The following EPHA5 variants were observed in gnomAD, a reference collection of about 807,000 sequenced individuals.
EPHA5 encodes ephrin type-A receptor 5.
EPHA5 carries 60 observed loss-of-function variants against 105.0 expected under a neutral mutation model. The observed-to-expected ratio is 0.57, with a 90% CI of 0.46 to 0.71. EPHA5 has a LOEUF of 0.71. Ranked by LOEUF, EPHA5 falls within the 30% of genes least tolerant of loss-of-function variation. The probability of loss-of-function intolerance (pLI) is 0.00; values close to 1 mark genes in which losing one functional copy is unlikely to be tolerated. For missense variants in EPHA5, 1,218 were observed against 1,274.7 expected (o/e 0.96, Z 0.68); for synonymous variants, 513 against 449.1 (o/e 1.14, Z -1.80).
chr4:65,390,220 A>G (rs2148953599), intron 8 of EPHA5, among the ~76,000 whole-genome samples: 1 of 152,060 alleles, frequency 6.6e-6, no homozygotes, highest in African/African-American at 2.4e-5. Flanking sequence ...ACCAATCTGG[A>G]GCAATACCTT....
chr4:65,470,753 G>A (rs951976119), intron 5 of EPHA5, among the ~76,000 whole-genome samples: 1 of 152,064 alleles, frequency 6.6e-6, no homozygotes, highest in African/African-American at 2.4e-5. Flanking sequence ...TTACATATGC[G>A]ACTTCACAGT....
chr4:65,593,989 A>C (rs2149421756), intron 3 of EPHA5, among the ~76,000 whole-genome samples: 1 of 152,314 alleles, frequency 6.6e-6, no homozygotes, highest in African/African-American at 2.4e-5. Context: ...CTGAGTTTTC[A>C]CGATCGAATT....
intron 2 of EPHA5, among the ~76,000 whole-genome samples, chr4:65,634,531 C>T (rs1044061318): frequency 1.1e-4 from 16 of 152,124 alleles, no homozygotes; most frequent in Admixed American, 2.0e-4. Context: ...TGCTTAATGT[C>T]TAGCTTGAAT....
chr4:65,546,433 A>G (rs548218061), intron 3 of EPHA5, among the ~76,000 whole-genome samples: 1 of 152,148 alleles, frequency 6.6e-6, no homozygotes, highest in East Asian at 1.9e-4. Context: ...ATAAAGCAAT[A>G]CAGTTTATTT....
chr4:65,531,745 GT>G (rs776303864), intron 3 of EPHA5, among the ~76,000 whole-genome samples: 13 of 151,376 alleles, frequency 8.6e-5, no homozygotes, highest in Non-Finnish European at 1.2e-4. Flanking sequence ...ATACTGAGAT[GT>G]CTTTGCAGAA....
intron 11 of EPHA5, among the ~76,000 whole-genome samples, chr4:65,360,865 G>A (rs577499637): frequency 7.9e-5 from 12 of 151,110 alleles, no homozygotes; most frequent in Non-Finnish European, 1.3e-4. Context: ...CCCTTTGCTA[G>A]ACACAAAGGG....
intron 5 of EPHA5, among the ~76,000 whole-genome samples, chr4:65,446,975 ATTTTTTTTT>A (rs397993760): frequency 5.3e-5 from 6 of 112,918 alleles, no homozygotes. Context: ...TTAAAAGCTC[ATTTTTTTTT>A]TTTTTTTTTT....
At chr4:65,619,573 C>T (rs1745534929) in intron 2 of EPHA5, among the ~76,000 whole-genome samples, 1 of 152,018 alleles carries the variant, frequency 6.6e-6, no homozygotes, top group Non-Finnish European at 1.5e-5. Flanking sequence ...AAAAAAGTAT[C>T]ACTAAATGAA....
At chr4:65,363,317 C>CAATAAT (rs1314693040) in intron 11 of EPHA5, among the ~76,000 whole-genome samples, 10 of 151,586 alleles carry the variant, frequency 6.6e-5, no homozygotes, top group African/African-American at 2.4e-4. Context: ...GGTATTCTCA[C>CAATAAT]CCCATAGCAT....
Position 65,380,526 on chromosome 4 carries a change from G to A in EPHA5, c.1794-13102C>T, listed in dbSNP as rs1484874750. 4.0e-5 allele frequency among the ~76,000 whole-genome samples: 6 copies of A among 151,604 alleles called. No homozygotes were observed. In the East Asian group the frequency reaches 1.2e-3, roughly 29 times the overall value. Reference sequence around the variant, plus strand: ...CAGAGAAGCAAGACTGCAGGCTATGGATAAATTATGACTTAAATTCTTAAA... The same window carrying A: ...CAGAGAAGCAAGACTGCAGGCTATGAATAAATTATGACTTAAATTCTTAAA... On this transcript the variant is annotated intron_variant, in intron 8 of 16. Transcript: ENST00000613740.
At chr4:65,535,852 A>T (rs1289318566) in intron 3 of EPHA5, among the ~76,000 whole-genome samples, 1 of 152,000 alleles carries the variant, frequency 6.6e-6, no homozygotes, top group Non-Finnish European at 1.5e-5. Flanking sequence ...CAGGAATCCA[A>T]TCTAATTAGA....
At chr4:65,377,085 C>T (rs1056451306) in intron 8 of EPHA5, 8 of 1,602,896 alleles carry the variant, frequency 5.0e-6, no homozygotes, top group Middle Eastern at 1.7e-4. Context: ...ACAAGAGAGC[C>T]CAAGATAAGG....
chr4:65,331,848 G>C (rs943162493), intron 16 of EPHA5, 125 bp downstream of exon 16: 25 of 1,428,776 alleles, frequency 1.7e-5, no homozygotes, highest in African/African-American at 1.2e-4. Flanking sequence ...AGATGATGAG[G>C]CTTCTTTGAG....
intron 8 of EPHA5, among the ~76,000 whole-genome samples, chr4:65,369,498 G>C (rs941976487): frequency 4.6e-5 from 7 of 151,966 alleles, no homozygotes; most frequent in African/African-American, 1.7e-4. Flanking sequence ...CGTAAATGAA[G>C]TTTCTATTAC....
intron 5 of EPHA5, among the ~76,000 whole-genome samples, chr4:65,459,434 T>C (rs1727919652): frequency 6.6e-6 from 1 of 151,908 alleles, no homozygotes; most frequent in African/African-American, 2.4e-5. Context: ...TTTTTGAGGA[T>C]TTTAATATAT....
intron 8 of EPHA5, among the ~76,000 whole-genome samples, chr4:65,375,822 C>G (rs1287599702): frequency 6.7e-6 from 1 of 150,212 alleles, no homozygotes; most frequent in African/African-American, 2.4e-5. Flanking sequence ...CACTGTAAAG[C>G]CAAACTTTAT....
At chr4:65,664,179 T>C (rs1749772376) in intron 1 of EPHA5, among the ~76,000 whole-genome samples, 1 of 151,870 alleles carries the variant, frequency 6.6e-6, no homozygotes. Context: ...AAGTTCAAAA[T>C]CAAATACTTA....
intron 8 of EPHA5, among the ~76,000 whole-genome samples, chr4:65,374,017 T>C (rs1560467149): frequency 6.6e-6 from 1 of 151,946 alleles, no homozygotes; most frequent in African/African-American, 2.4e-5. Flanking sequence ...CAGATGAATA[T>C]TTGAGGATAA....
At chr4:65,551,288 A>G (rs868796494) in intron 3 of EPHA5, among the ~76,000 whole-genome samples, 2,930 of 130,838 alleles carry the variant, frequency 0.022, 63 homozygotes, top group Middle Eastern at 0.082. Context: ...GTGTATATAT[A>G]TATATATATA....
Sources: gnomAD v4.1 joint callset for allele counts (sites outside exome capture counted in the v4.1 genomes callset) on GRCh38, gnomAD v4.1.1 for gene constraint, MANE v1.5 for transcripts, NCBI Gene and HGNC (gene_info 2026-07-23, HGNC 2026-07-21) for gene names.